CEP250: variants seen among roughly 807,000 people sequenced by gnomAD.
The protein encoded by CEP250 is centrosome-associated protein CEP250.
In CEP250, 242 loss-of-function variants were observed where a neutral mutation model predicts 315.7. That is an observed-to-expected ratio of 0.77 (90% CI 0.69 to 0.85). CEP250 has a LOEUF of 0.85. CEP250 is among the 40% of genes least tolerant of loss of function. CEP250 has a pLI of 0.00. For missense variants in CEP250, 2,515 were observed against 2,886.4 expected (o/e 0.87, Z 2.95); for synonymous variants, 1,088 against 1,175.0 (o/e 0.93, Z 1.51).
intron 17 of CEP250, 50 bp downstream of exon 17, chr20:35,478,151 T>C: frequency 2.5e-6 from 3 of 1,197,420 alleles, no homozygotes; most frequent in Non-Finnish European, 3.6e-6. Context: ...TATATGCTCA[T>C]TATAAAAAAT....
chr20:35,467,525 G>A lies in CEP250; in HGVS notation c.821G>A (p.Gly274Glu), dbSNP rs753861344. The change falls in exon 9 of 35, where the codon GGG (glycine) becomes GAG (glutamate). Residue 274 changes from glycine to glutamate, a missense_variant. By Grantham distance (98) the Gly-to-Glu change is moderately conservative. Coordinates refer to ENST00000397527, the MANE Select transcript of CEP250 (RefSeq NM_007186.6). ...SQELIQLKSQGDLEKAELQDR... is the reference protein window; with the variant it reads ...SQELIQLKSQEDLEKAELQDR... ...GAGTTAATACAGCTGAAGAGTCAAGGGGATCTGGAGAAGGCTGAACTTCAG... is the reference window on the plus strand; with the variant it reads ...GAGTTAATACAGCTGAAGAGTCAAGAGGATCTGGAGAAGGCTGAACTTCAG... 1 of 1,614,032 alleles carries A rather than the reference G, an allele frequency of 6.2e-7. No individual in the cohort carries two copies.
intron 26 of CEP250, among the ~76,000 whole-genome samples, 169 bp downstream of exon 26, chr20:35,498,236 T>G (rs750632417): frequency 6.6e-6 from 1 of 152,264 alleles, no homozygotes; most frequent in Non-Finnish European, 1.5e-5. Flanking sequence ...GCTAGCTATG[T>G]GTCCTTGGGC....
chr20:35,479,177 G>A (rs1039488685), intron 17 of CEP250, 54 bp from the exon 18 acceptor site: 87 of 1,548,488 alleles, frequency 5.6e-5, no homozygotes, highest in Middle Eastern at 3.4e-4. Context: ...TGGTGGTAGC[G>A]GCCCCAGGGG....
At position 35,503,229 on chromosome 20, in the gene CEP250, T is replaced by C. The variant is rs2064069498; in HGVS notation, c.4860T>C (p.Val1620=). 1.2e-6 allele frequency: 2 copies of C among 1,614,008 alleles called. No individual in the cohort carries two copies. Among genetic ancestry groups the C allele is most frequent in the South Asian group, 2.2e-5 (2 of 91,086 alleles). ...ATGACCTGGAGAGCCACAGCACCGT[T>C]CTGGCAAGAGAGCTGCAGGAGAGGG... ...QIHDLESHST[V]LARELQERDQ... The change falls in exon 30 of 35, where the codon GTT becomes GTC. Residue 1620 remains valine (V), a synonymous_variant. Coordinates refer to ENST00000397527, the MANE Select transcript of CEP250 (RefSeq NM_007186.6). This position sits in a 1 kb window ranked among gnomAD's most constrained non-coding sequence, Gnocchi z 4.2.
At chr20:35,466,814 C>T (rs1047077449) in intron 7 of CEP250, 152 bp from the exon 8 acceptor site, 6 of 599,460 alleles carry the variant, frequency 1.0e-5, no homozygotes, top group Non-Finnish European at 1.5e-5. Flanking sequence ...TTATTAAGCC[C>T]TTCACCATAA....
At chr20:35,507,316 G>C (rs2064214033) in intron 30 of CEP250, among the ~76,000 whole-genome samples, 1 of 152,204 alleles carries the variant, frequency 6.6e-6, no homozygotes, top group Admixed American at 6.5e-5. Flanking sequence ...TTATAAATGA[G>C]GAAATTGGGG....
In CEP250 at chr20:35,479,744, CTG is replaced by C. The variant is rs2063287846; in HGVS notation, c.2389_2390del (p.Val797HisfsTer21). Reference sequence around the variant, plus strand: ...GGGCAGCTGGAGGTCCAGATTCAAACTGTCACTCAAGCCAAGGAAGTAATCCA... The same window carrying C: ...GGGCAGCTGGAGGTCCAGATTCAAACTCACTCAAGCCAAGGAAGTAATCCA... On this transcript the variant is annotated frameshift_variant, in exon 19 of 35. Coordinates refer to ENST00000397527, the MANE Select transcript of CEP250 (RefSeq NM_007186.6). LOFTEE classifies it high-confidence loss of function. 1 of 1,614,204 alleles carries C rather than the reference CTG, an allele frequency of 6.2e-7. No homozygotes were observed. The highest frequency in any genetic ancestry group is 8.5e-7 in the Non-Finnish European group (1 of 1,180,050).
At position 35,498,189 on chromosome 20, in the gene CEP250, GAATT is replaced by G. The variant is rs972647784; in HGVS notation, c.3655+127_3655+130del. On this transcript the variant is annotated intron_variant, in intron 26 of 34. Transcript: ENST00000397527. ...TTCAGGGTTAAGATTACATACTTGG[GAATT>G]AATTCTGAGTTTAAGCCCCAGCTCT... 1.1e-5 allele frequency: 9 copies of G among 794,566 alleles called. No homozygotes were observed. The African/African-American group carries it at 1.6e-4, about 14-fold the overall frequency. The allele number at this position is 794,566 out of a possible 1,614,324, so 49.2% of individuals were successfully genotyped here.
chr20:35,463,778 C>G, intron 5 of CEP250, 147 bp downstream of exon 5: 1 of 513,954 alleles, frequency 1.9e-6, no homozygotes, highest in Non-Finnish European at 3.1e-6. Context: ...GTTTATCACA[C>G]TGATATCTTC....
Position 35,480,109 on chromosome 20 carries a change from C to A in CEP250, c.2550C>A (p.Ala850=). ...GKTALEQQKA[A]HEKEVNQLRE... ...CTGCCTTGGAGCAGCAGAAGGCAGC[C>A]CATGAGAAAGAGGTGAACCAGCTCC... Residue 850 remains alanine, a synonymous_variant, in exon 20 of 35, where the codon GCC becomes GCA. Transcript: ENST00000397527. 6.2e-7 allele frequency: 1 copy of A among 1,612,380 alleles called. No individual in the cohort carries two copies. The highest frequency in any genetic ancestry group is 8.5e-7 in the Non-Finnish European group (1 of 1,179,974).
At chr20:35,456,126 C>G (rs1036164811) in intron 1 of CEP250, among the ~76,000 whole-genome samples, 1 of 152,154 alleles carries the variant, frequency 6.6e-6, no homozygotes, top group Non-Finnish European at 1.5e-5. Context: ...AACTCCCGAC[C>G]TCAGGTGATC....
At position 35,515,214 on chromosome 20, in the gene CEP250, C is replaced by T. The variant is rs2064423566; in HGVS notation, c.*3588C>T. The T allele has an allele frequency of 6.6e-6, 1 of 152,204 alleles. No individual in the cohort carries two copies. The highest frequency in any genetic ancestry group is 1.5e-5 in the Non-Finnish European group (1 of 68,062). The allele number at this position is 152,204 out of a possible 1,614,324, so 9.4% of individuals were successfully genotyped here. On this transcript the variant is annotated 3_prime_UTR_variant, in exon 35 of 35. Transcript: ENST00000397527. ...ATGGAGAAGAACACAGACTGTTTAT[C>T]ACTCACCCCTGGTTCCAGTACCAAG...
rs1568852917 is a variant in CEP250, at chr20:35,511,858, G to T, written c.*232G>T. On this transcript the variant is annotated 3_prime_UTR_variant, in exon 35 of 35. Coordinates refer to ENST00000397527, the MANE Select transcript of CEP250 (RefSeq NM_007186.6). Reference sequence around the variant, plus strand: ...GCTCCCTATGGAATCACCCAGAGGGGTGCCTTGCCCTGGCTGAGGGACATG... The same window carrying T: ...GCTCCCTATGGAATCACCCAGAGGGTTGCCTTGCCCTGGCTGAGGGACATG... 4 of 1,352,132 alleles carry T rather than the reference G, an allele frequency of 3.0e-6. No homozygotes were observed. The highest frequency in any genetic ancestry group is 2.1e-5 in the South Asian group (1 of 47,250). The allele number at this position is 1,352,132 out of a possible 1,614,324, so 83.8% of individuals were successfully genotyped here. A position where few individuals can be genotyped will look rare whatever the true frequency, so the allele number is the denominator to read the frequency against.
At position 35,502,396 on chromosome 20, in the gene CEP250, C is replaced by T. The variant is rs774612231; in HGVS notation, c.4027C>T (p.Arg1343Ter). 22 of 1,611,606 alleles carry T rather than the reference C, an allele frequency of 1.4e-5. No individual in the cohort carries two copies. Among genetic ancestry groups the T allele is most frequent in the African/African-American group, 2.7e-5 (2 of 74,968 alleles). Reference sequence around the variant, plus strand: ...TTTTCATCTTGTCTTCTAGGGTGAGCGAGAGTTACTTCAGGCAGCCAAGGA... The same window carrying T: ...TTTTCATCTTGTCTTCTAGGGTGAGTGAGAGTTACTTCAGGCAGCCAAGGA... ...ELQRMEAQGE[R>*]ELLQAAKENL... is the part of the protein sequence containing the mutation. The change falls in exon 30 of 35, where the codon CGA becomes TGA. Residue 1343 changes from arginine (R) to a stop codon, truncating the protein, a stop_gained. Coordinates refer to ENST00000397527, the MANE Select transcript of CEP250 (RefSeq NM_007186.6). LOFTEE classifies it high-confidence loss of function.
chr20:35,505,190 C>T (rs1219325331), intron 30 of CEP250, among the ~76,000 whole-genome samples, 185 bp downstream of exon 30: 1 of 152,176 alleles, frequency 6.6e-6, no homozygotes, highest in Non-Finnish European at 1.5e-5. Flanking sequence ...GGATAAGAAC[C>T]CCACAGTCCC....
In CEP250 at chr20:35,502,708, C is replaced by T; in HGVS notation, c.4339C>T (p.Leu1447=). The T allele has an allele frequency of 6.2e-7, 1 of 1,614,226 alleles. No homozygotes were observed. Among genetic ancestry groups the T allele is most frequent in the Non-Finnish European group, 8.5e-7 (1 of 1,180,048 alleles). Residue 1447 remains leucine, a synonymous_variant, in exon 30 of 35, where the codon CTG becomes TTG. Coordinates refer to ENST00000397527, the MANE Select transcript of CEP250 (RefSeq NM_007186.6). ...GACTCTGCGGGGACAAATCCAGGAA[C>T]TGGAGAAGCAACGGGAAATGCAGAA... ...VETLRGQIQE[L]EKQREMQKAA...
At chr20:35,466,904 T>G (rs2296402) in intron 7 of CEP250, 62 bp from the exon 8 acceptor site, 2 of 1,029,432 alleles carry the variant, frequency 1.9e-6, no homozygotes. Flanking sequence ...AATCCAAGAC[T>G]CTTGTGTTGG....
Position 35,472,864 on chromosome 20 carries a change from G to A in CEP250, c.1209+33G>A, listed in dbSNP as rs777873886. 6 of 1,612,164 alleles carry A rather than the reference G, an allele frequency of 3.7e-6. No homozygotes were observed. The East Asian group carries it at 8.9e-5, about 24-fold the overall frequency. ...CCCTCAGCATTCCACCTCAGTCACAGGGGTTTGTGTCTAAACTGGTTTGTG... is the reference window on the plus strand; with the variant it reads ...CCCTCAGCATTCCACCTCAGTCACAAGGGTTTGTGTCTAAACTGGTTTGTG... On this transcript the variant is annotated intron_variant, in intron 12 of 34. Transcript: ENST00000397527.
chr20:35,472,707 G>C lies in CEP250; in HGVS notation c.1085G>C (p.Gly362Ala), dbSNP rs116172871. The change falls in exon 12 of 35, where the codon GGC becomes GCC. Residue 362 changes from glycine (G) to alanine (A), a missense_variant. Physicochemically the swap from Gly to Ala is moderately conservative, Grantham distance 60. Transcript: ENST00000397527. ...MVEEGDNIAQGSGHENSLELD... is the reference protein window; with the variant it reads ...MVEEGDNIAQASGHENSLELD... Reference sequence around the variant, plus strand: ...GAAGAAGGGGACAATATAGCCCAAGGCTCTGGTCATGAGAACTCTTTGGAA... The same window carrying C: ...GAAGAAGGGGACAATATAGCCCAAGCCTCTGGTCATGAGAACTCTTTGGAA... 4.9e-5 allele frequency: 79 copies of C among 1,614,160 alleles called. No homozygotes were observed. In the East Asian group the frequency reaches 1.6e-3, roughly 34 times the overall value.
Sources: allele counts gnomAD v4.1 joint callset (sites outside exome capture counted in the v4.1 genomes callset), GRCh38; gene constraint gnomAD v4.1.1; non-coding constraint Gnocchi (gnomAD v3.1); transcripts MANE v1.5; gene names NCBI Gene and HGNC (gene_info 2026-07-23, HGNC 2026-07-21).